SGCD: variants seen among roughly 807,000 people sequenced by gnomAD.
SGCD encodes delta-sarcoglycan.
SGCD carries 18 observed loss-of-function variants against 36.6 expected under a neutral mutation model. That is an observed-to-expected ratio of 0.49 (90% CI 0.34 to 0.73). The LOEUF is 0.73. SGCD is among the 30% of genes least tolerant of loss of function. The pLI, the probability that SGCD is intolerant of heterozygous loss-of-function variation, is 0.01. For missense variants in SGCD, 387 were observed against 346.7 expected, an observed-to-expected ratio of 1.12 and a Z score of -0.92; for synonymous variants, 133 against 130.6, an observed-to-expected ratio of 1.02 and a Z score of -0.12.
chr5:155,779,692 C>G, the SGCD span, among the ~76,000 whole-genome samples: 1 of 152,028 alleles, frequency 6.6e-6, no homozygotes, highest in South Asian at 2.1e-4. Flanking sequence ...CCTCCTGGGC[C>G]ATAGCACATA....
intron 1 of SGCD, among the ~76,000 whole-genome samples, chr5:155,908,137 A>G (rs1756560820): frequency 1.3e-5 from 2 of 152,176 alleles, no homozygotes; most frequent in South Asian, 2.1e-4. Flanking sequence ...ATTAACATGT[A>G]CATATATTAA....
At chr5:156,204,265 G>T (rs955526611) in intron 3 of SGCD, among the ~76,000 whole-genome samples, 1 of 151,984 alleles carries the variant, frequency 6.6e-6, no homozygotes, top group Non-Finnish European at 1.5e-5. Context: ...AGAGCTTTTT[G>T]TTATGTAGTA....
At chr5:155,875,644 CTTT>C (rs1201927632) in intron 1 of SGCD, among the ~76,000 whole-genome samples, 1 of 140,356 alleles carries the variant, frequency 7.1e-6, no homozygotes, top group Admixed American at 7.1e-5. Context: ...GATGGCTCCA[CTTT>C]TTTTTTTTTT....
chr5:155,859,995 C>T, the SGCD span, among the ~76,000 whole-genome samples: 2 of 152,200 alleles, frequency 1.3e-5, 1 homozygote, highest in South Asian at 4.1e-4. Context: ...TCTTCTTGTC[C>T]TTTCTATCAG....
In SGCD at chr5:156,083,591, G is replaced by A. The variant is rs563918586; in HGVS notation, c.-281-34287G>A. ...ATTACAGGTATGAGCCACTGCACCC[G>A]GCCCATTTTTTTTTTTTTTTCCTTT... is the stretch of plus-strand genomic sequence containing the variant. On this transcript the variant is annotated intron_variant, in intron 1 of 9. Transcript: ENST00000517913. 4.9e-3 allele frequency among the ~76,000 whole-genome samples: 696 copies of A among 140,698 alleles called. 4 individuals are homozygous for A. The highest frequency in any genetic ancestry group is 0.015 in the African/African-American group (512 of 34,056). The allele number at this position is 140,698 out of a possible 152,430, so 92.3% of individuals were successfully genotyped here. A position where few individuals can be genotyped will look rare whatever the true frequency, so the allele number is the denominator to read the frequency against.
the SGCD span, among the ~76,000 whole-genome samples, chr5:155,729,766 G>A: frequency 6.6e-6 from 1 of 152,208 alleles, no homozygotes. Flanking sequence ...TTTGGGGTGA[G>A]TGTGTGAGGC....
chr5:156,068,172 G>T (rs1291079653), intron 1 of SGCD, among the ~76,000 whole-genome samples: 1 of 151,048 alleles, frequency 6.6e-6, no homozygotes, highest in Non-Finnish European at 1.5e-5. Flanking sequence ...TGCACAATGT[G>T]CAGGTTAGTT....
intron 3 of SGCD, among the ~76,000 whole-genome samples, chr5:156,260,265 G>A (rs937858774): frequency 2.0e-5 from 3 of 152,208 alleles, no homozygotes; most frequent in Non-Finnish European, 4.4e-5. Flanking sequence ...TTTTAGAATA[G>A]TCTTGTCTAG....
intron 3 of SGCD, among the ~76,000 whole-genome samples, chr5:156,251,961 G>A (rs577475258): frequency 1.8e-4 from 28 of 152,202 alleles, no homozygotes; most frequent in African/African-American, 5.3e-4. Context: ...GTTTCAAAAT[G>A]CTCCTAAGCT....
intron 6 of SGCD, among the ~76,000 whole-genome samples, chr5:156,623,190 T>G (rs1296491365): frequency 1.3e-5 from 2 of 152,284 alleles, no homozygotes; most frequent in African/African-American, 2.4e-5. Flanking sequence ...TGAATCTCTT[T>G]TAGAAAACCA....
chr5:156,596,650 T>C (rs1285618422), intron 6 of SGCD, among the ~76,000 whole-genome samples: 1 of 152,182 alleles, frequency 6.6e-6, no homozygotes, highest in Non-Finnish European at 1.5e-5. Flanking sequence ...AGTCAGCTTG[T>C]CTGGTCTATT....
At chr5:156,646,982 T>C (rs1354679145) in intron 6 of SGCD, among the ~76,000 whole-genome samples, 21 of 152,182 alleles carry the variant, frequency 1.4e-4, no homozygotes, top group Admixed American at 1.4e-3. Context: ...TGTAGAACTT[T>C]ATTTACTGAA....
chr5:156,601,657 G>C (rs1010672380), intron 6 of SGCD, among the ~76,000 whole-genome samples: 1 of 151,910 alleles, frequency 6.6e-6, no homozygotes, highest in Non-Finnish European at 1.5e-5. Context: ...TCCTATTTCT[G>C]TGAATAATGT....
intron 1 of SGCD, among the ~76,000 whole-genome samples, chr5:155,905,521 T>C (rs1160075487): frequency 6.6e-6 from 1 of 152,096 alleles, no homozygotes; most frequent in Admixed American, 6.6e-5. Context: ...AGCATGCAGC[T>C]AAGTTCTCAC....
intron 3 of SGCD, among the ~76,000 whole-genome samples, chr5:156,185,557 A>G (rs551417529): frequency 5.0e-4 from 76 of 151,468 alleles, no homozygotes; most frequent in African/African-American, 1.7e-3. Flanking sequence ...CCTTTTTTCA[A>G]CTATGAATTG....
chr5:155,810,105 G>C, the SGCD span, among the ~76,000 whole-genome samples: 4 of 152,174 alleles, frequency 2.6e-5, no homozygotes, highest in East Asian at 7.7e-4. Flanking sequence ...AAGAACACAC[G>C]TGCTTTGATA....
intron 2 of SGCD, among the ~76,000 whole-genome samples, chr5:156,337,582 A>G (rs1159847950): frequency 6.6e-6 from 1 of 152,080 alleles, no homozygotes; most frequent in African/African-American, 2.4e-5. Context: ...TATCATCTTA[A>G]TTGTCTCCTT....
At chr5:156,075,531 G>A (rs1760752621) in intron 1 of SGCD, among the ~76,000 whole-genome samples, 1 of 152,154 alleles carries the variant, frequency 6.6e-6, no homozygotes, top group Non-Finnish European at 1.5e-5. Flanking sequence ...GGAACATCAG[G>A]ATTTAAGGGT....
chr5:156,372,396 C>G (rs1384746769), intron 3 of SGCD, among the ~76,000 whole-genome samples: 1 of 152,168 alleles, frequency 6.6e-6, no homozygotes, highest in Non-Finnish European at 1.5e-5. Context: ...GGTAGCTTTA[C>G]TATTCTCACC....
Sources: allele counts gnomAD v4.1 joint callset (sites outside exome capture counted in the v4.1 genomes callset), GRCh38; gene constraint gnomAD v4.1.1; transcripts MANE v1.5; gene names NCBI Gene and HGNC (gene_info 2026-07-23, HGNC 2026-07-21).